Variants in AIDA observed in about 807,000 individuals in gnomAD.
AIDA encodes the protein axin interactor, dorsalization-associated protein.
AIDA carries 18 observed loss-of-function variants against 42.7 expected under a neutral mutation model. The ratio of observed to expected loss-of-function variants is 0.42; its 90% CI spans 0.29 to 0.63. The LOEUF is 0.63. AIDA is among the 20% of genes least tolerant of loss of function. The probability of loss-of-function intolerance (pLI) is 0.19; values close to 1 mark genes in which losing one functional copy is unlikely to be tolerated. For missense variants in AIDA, 250 were observed against 354.1 expected (o/e 0.71, Z 2.36); for synonymous variants, 104 against 122.9 (o/e 0.85, Z 1.02).
At chr1:222,689,220 T>C (rs535175686) in intron 4 of AIDA, among the ~76,000 whole-genome samples, 10 of 151,660 alleles carry the variant, frequency 6.6e-5, no homozygotes, top group African/African-American at 1.5e-4. Flanking sequence ...GATGGATCCC[T>C]GGCAGACAGG....
chr1:222,703,155 T>C lies in AIDA; in HGVS notation c.173A>G (p.Glu58Gly). ...AQHNNSEFTE[E>G]QKKTIGKIAT... is the part of the protein sequence containing the mutation. ...GAGATTATTTTATGGTACCTTTTGT[T>C]CTTCTGTGAATTCAGAATTATTGTG... Residue 58 changes from glutamate (E) to glycine (G), a missense_variant, in exon 2 of 10, where the codon GAA (glutamate) becomes GGA (glycine). By Grantham distance (98) the Glu-to-Gly change is moderately conservative. This residue lies in a region of AIDA where 199 missense variants were observed against 232.6 expected (regional missense o/e 0.86). Transcript: ENST00000340020. 2 of 1,605,194 alleles carry C rather than the reference T, an allele frequency of 1.2e-6. No homozygotes were observed. Among genetic ancestry groups the C allele is most frequent in the South Asian group, 1.1e-5 (1 of 88,770 alleles).
intron 2 of AIDA, among the ~76,000 whole-genome samples, chr1:222,697,002 G>A (rs1029739543): frequency 1.3e-5 from 2 of 151,928 alleles, no homozygotes; most frequent in Admixed American, 6.6e-5. Context: ...GTGTGCAGTG[G>A]CACGGTCTCA....
At chr1:222,706,493 T>A (rs530730455) in intron 1 of AIDA, among the ~76,000 whole-genome samples, 27 of 143,772 alleles carry the variant, frequency 1.9e-4, no homozygotes, top group East Asian at 4.0e-4. Context: ...CACACCAATT[T>A]AAAAAAAAAA....
intron 6 of AIDA, 103 bp from the exon 7 acceptor site, chr1:222,676,321 T>A (rs1664542370): frequency 1.5e-6 from 2 of 1,304,294 alleles, no homozygotes; most frequent in Admixed American, 3.0e-5. Flanking sequence ...ACTTAGTAAC[T>A]AGCCAGGCAT....
chr1:222,685,751 TAA>T (rs1202631774), intron 6 of AIDA, among the ~76,000 whole-genome samples: 1 of 152,136 alleles, frequency 6.6e-6, no homozygotes, highest in African/African-American at 2.4e-5. Context: ...CTTCCAGAAA[TAA>T]AAAAGTTTCC....
chr1:222,701,723 A>C (rs2124967433), intron 2 of AIDA, among the ~76,000 whole-genome samples: 1 of 152,182 alleles, frequency 6.6e-6, no homozygotes, highest in Non-Finnish European at 1.5e-5. Context: ...TTTTTTAAAA[A>C]TTTATTTATT....
At chr1:222,695,937 G>C (rs1012544757) in intron 2 of AIDA, among the ~76,000 whole-genome samples, 1 of 152,166 alleles carries the variant, frequency 6.6e-6, no homozygotes, top group Non-Finnish European at 1.5e-5. Context: ...AGTAACAAGT[G>C]CCATCCTGGC....
At chr1:222,675,431 TA>T (rs1664527034) in intron 7 of AIDA, among the ~76,000 whole-genome samples, 1 of 152,216 alleles carries the variant, frequency 6.6e-6, no homozygotes, top group South Asian at 2.1e-4. Context: ...TTTTAAGGAA[TA>T]AATGAACTGC....
intron 2 of AIDA, among the ~76,000 whole-genome samples, chr1:222,701,356 A>G (rs992363969): frequency 2.6e-5 from 4 of 152,210 alleles, no homozygotes; most frequent in African/African-American, 7.2e-5. Context: ...CCTCAGCAAT[A>G]TATGTTGGAA....
intron 1 of AIDA, among the ~76,000 whole-genome samples, chr1:222,707,091 A>C (rs552546659): frequency 1.3e-5 from 2 of 152,276 alleles, no homozygotes; most frequent in African/African-American, 4.8e-5. Flanking sequence ...AAAATCATTA[A>C]ATTGTACATG....
intron 1 of AIDA, among the ~76,000 whole-genome samples, chr1:222,708,625 T>C (rs7520650): frequency 0.27 from 40,273 of 151,746 alleles, 8,139 homozygotes; most frequent in African/African-American, 0.57. Context: ...CCGCCTCAGC[T>C]TCCCAGTGCT....
intron 8 of AIDA, among the ~76,000 whole-genome samples, chr1:222,672,117 T>C (rs1014394013): frequency 6.6e-6 from 1 of 152,062 alleles, no homozygotes; most frequent in African/African-American, 2.4e-5. Flanking sequence ...AACACTAATA[T>C]CAGTTAAAAC....
chr1:222,703,007 G>C (rs1655749242), intron 2 of AIDA, 141 bp downstream of exon 2: 1 of 604,614 alleles, frequency 1.7e-6, no homozygotes. Context: ...GTTAGGCAAA[G>C]CATAATCAAT....
rs1337919176 is a variant in AIDA at position 222,712,474 on chromosome 1, C to G, written c.-157G>C. 4.9e-6 allele frequency: 7 copies of G among 1,421,234 alleles called. No individual in the cohort carries two copies. Among genetic ancestry groups the G allele is most frequent in the Non-Finnish European group, 5.5e-6 (6 of 1,091,000 alleles). The allele number at this position is 1,421,234 out of a possible 1,614,324, so 88.0% of individuals were successfully genotyped here. On this transcript the variant is annotated 5_prime_UTR_variant, in exon 1 of 10. Transcript: ENST00000340020. ...CGAGGAGCCGCCCAAGCCCATTTGC[C>G]GCCACAGCCAAACTTTGCGGCTCCA...
At chr1:222,707,784 C>A (rs540507123) in intron 1 of AIDA, among the ~76,000 whole-genome samples, 2 of 152,200 alleles carry the variant, frequency 1.3e-5, no homozygotes, top group East Asian at 3.8e-4. Flanking sequence ...CATAGAAATT[C>A]GTGCTTCTCA....
intron 1 of AIDA, among the ~76,000 whole-genome samples, chr1:222,705,511 T>C (rs1367739770): frequency 1.3e-5 from 2 of 152,046 alleles, no homozygotes; most frequent in African/African-American, 4.8e-5. Flanking sequence ...GTCAGAAGGG[T>C]GTAATTCTAC....
At chr1:222,702,323 G>T (rs1406262746) in intron 2 of AIDA, among the ~76,000 whole-genome samples, 1 of 152,048 alleles carries the variant, frequency 6.6e-6, no homozygotes, top group Non-Finnish European at 1.5e-5. Context: ...AGCAAATTAT[G>T]TTGCCATAGT....
At chr1:222,672,052 G>A (rs1664458405) in intron 8 of AIDA, among the ~76,000 whole-genome samples, 1 of 152,064 alleles carries the variant, frequency 6.6e-6, no homozygotes. Context: ...TGTGAAACAG[G>A]AATATCCTGG....
intron 2 of AIDA, among the ~76,000 whole-genome samples, chr1:222,699,860 C>T (rs1488558633): frequency 1.3e-5 from 2 of 152,012 alleles, no homozygotes; most frequent in Admixed American, 1.3e-4. Context: ...CAAGCTCCGC[C>T]TCCCGGGTTC....
Sources: gnomAD v4.1 joint callset for allele counts (sites outside exome capture counted in the v4.1 genomes callset) on GRCh38, gnomAD v4.1.1 for gene constraint, gnomAD v4.1.1 regional missense constraint, MANE v1.5 for transcripts, NCBI Gene and HGNC (gene_info 2026-07-23, HGNC 2026-07-21) for gene names.